KCNN2: variants seen among roughly 807,000 people sequenced by gnomAD.
The protein encoded by KCNN2 is small conductance calcium-activated potassium channel protein 2.
Under a neutral mutation model 55.5 loss-of-function variants are expected in KCNN2, and 24 were observed. That is an observed-to-expected ratio of 0.43 (90% CI 0.31 to 0.61). The LOEUF (loss-of-function observed/expected upper bound fraction) is 0.61. Ranked by LOEUF, KCNN2 falls within the 20% of genes least tolerant of loss-of-function variation. The pLI, the probability that KCNN2 is intolerant of heterozygous loss-of-function variation, is 0.08. For missense variants in KCNN2, 754 were observed against 853.6 expected (o/e 0.88, Z 1.45); for synonymous variants, 431 against 336.1 (o/e 1.28, Z -3.09).
chr5:114,336,123 G>C (rs1756919309), intron 2 of KCNN2, among the ~76,000 whole-genome samples: 1 of 152,198 alleles, frequency 6.6e-6, no homozygotes, highest in Non-Finnish European at 1.5e-5. Flanking sequence ...CACGAATAAG[G>C]AGGATTAGTT....
intron 1 of KCNN2, among the ~76,000 whole-genome samples, chr5:114,084,428 G>C (rs1416268310): frequency 6.6e-6 from 1 of 151,960 alleles, no homozygotes; most frequent in Non-Finnish European, 1.5e-5. Context: ...ATGCCATGTT[G>C]AGCTTTCTTT....
At chr5:114,135,324 T>C (rs1228218121) in intron 1 of KCNN2, among the ~76,000 whole-genome samples, 3 of 152,286 alleles carry the variant, frequency 2.0e-5, no homozygotes, top group Admixed American at 6.5e-5. Flanking sequence ...CGATAGTAAA[T>C]TGAAGATTTT....
intron 3 of KCNN2, among the ~76,000 whole-genome samples, chr5:114,412,373 A>T (rs1259313671): frequency 6.6e-6 from 1 of 152,210 alleles, no homozygotes; most frequent in Non-Finnish European, 1.5e-5. Context: ...ACATGTATTC[A>T]TTACTTCTCT....
intron 6 of KCNN2, among the ~76,000 whole-genome samples, chr5:114,488,152 C>T (rs960856849): frequency 1.3e-5 from 2 of 152,174 alleles, no homozygotes; most frequent in Non-Finnish European, 2.9e-5. Context: ...AAAACCTGTC[C>T]ATTGAACTGC....
intron 3 of KCNN2, among the ~76,000 whole-genome samples, chr5:114,419,604 T>C (rs1035133050): frequency 3.3e-5 from 5 of 152,228 alleles, no homozygotes; most frequent in African/African-American, 1.2e-4. Flanking sequence ...GTTCCAGTGA[T>C]GATAGGTGCA....
chr5:114,364,093 T>C (rs1007813383), intron 2 of KCNN2, 92 bp downstream of exon 2: 15 of 886,614 alleles, frequency 1.7e-5, no homozygotes, highest in Middle Eastern at 2.2e-4. Context: ...CAAGCCATCA[T>C]GTCCTTGCTT....
chr5:114,493,370 G>A (rs1453705912), intron 6 of KCNN2, 33 bp from the exon 7 acceptor site: 2 of 1,357,244 alleles, frequency 1.5e-6, no homozygotes, highest in Non-Finnish European at 2.1e-6. Context: ...TAGGAAGAAG[G>A]GAACCTTTCT....
intron 2 of KCNN2, among the ~76,000 whole-genome samples, chr5:114,336,959 C>G (rs1756933760): frequency 1.3e-5 from 2 of 152,088 alleles, no homozygotes; most frequent in African/African-American, 4.8e-5. Flanking sequence ...TGGATTTATT[C>G]TAAGTTTGAT....
chr5:114,443,797 A>G (rs942048353), intron 3 of KCNN2, among the ~76,000 whole-genome samples: 2 of 152,186 alleles, frequency 1.3e-5, no homozygotes, highest in East Asian at 3.8e-4. Context: ...ATTTACTAAG[A>G]AGCAGCCTGA....
intron 2 of KCNN2, among the ~76,000 whole-genome samples, chr5:114,270,071 T>G (rs918707440): frequency 2.0e-5 from 3 of 152,236 alleles, no homozygotes; most frequent in Admixed American, 2.0e-4. Context: ...TCTGCTGTTT[T>G]GACAAGCATC....
At chr5:114,324,616 C>A (rs189427797) in intron 2 of KCNN2, among the ~76,000 whole-genome samples, 21 of 152,326 alleles carry the variant, frequency 1.4e-4, no homozygotes, top group African/African-American at 4.6e-4. Flanking sequence ...TTCTAATCTA[C>A]AGACTTTTAC....
chr5:114,180,027 G>C (rs979715484), intron 1 of KCNN2, among the ~76,000 whole-genome samples: 6 of 152,114 alleles, frequency 3.9e-5, no homozygotes, highest in Admixed American at 2.0e-4. Context: ...GACTTCTATA[G>C]GTCAAGGGAT....
chr5:114,149,151 A>AAAAGACGTTTAAAT (rs1491426339), intron 1 of KCNN2, among the ~76,000 whole-genome samples: 2 of 152,156 alleles, frequency 1.3e-5, no homozygotes, highest in Non-Finnish European at 2.9e-5. Context: ...GACGTTTAAT[A>AAAAGACGTTTAAAT]AAAGACAGAT....
intron 1 of KCNN2, among the ~76,000 whole-genome samples, chr5:114,133,504 T>G (rs1004382679): frequency 6.6e-6 from 1 of 152,192 alleles, no homozygotes; most frequent in Non-Finnish European, 1.5e-5. Flanking sequence ...CCTGGGCCAT[T>G]AATCCACCCT....
At chr5:114,110,710 G>T (rs1273873907) in intron 1 of KCNN2, among the ~76,000 whole-genome samples, 1 of 151,904 alleles carries the variant, frequency 6.6e-6, no homozygotes, top group Non-Finnish European at 1.5e-5. Context: ...TCGTGCCTTA[G>T]TTTGGGATTT....
chr5:114,105,556 A>C (rs144543480), intron 1 of KCNN2, among the ~76,000 whole-genome samples: 1 of 152,212 alleles, frequency 6.6e-6, no homozygotes, highest in East Asian at 1.9e-4. Context: ...CTTTGCTTCC[A>C]TTTATAACAA....
chr5:114,139,602 A>G (rs1363113094), intron 1 of KCNN2, among the ~76,000 whole-genome samples: 1 of 150,022 alleles, frequency 6.7e-6, no homozygotes, highest in African/African-American at 2.4e-5. Context: ...TATACTCTAT[A>G]TAATATATAA....
chr5:114,378,920 G>A (rs1413159490), intron 2 of KCNN2, among the ~76,000 whole-genome samples: 2 of 152,188 alleles, frequency 1.3e-5, no homozygotes, highest in African/African-American at 4.8e-5. Flanking sequence ...GCAGTAAAGA[G>A]TGTTTGTTAT....
chr5:114,281,924 A>AT (rs1390782394), intron 2 of KCNN2, among the ~76,000 whole-genome samples: 10 of 151,772 alleles, frequency 6.6e-5, no homozygotes, highest in African/African-American at 9.7e-5. Flanking sequence ...AAATTTAAAT[A>AT]TTTTTCTGGA....
Sources: allele counts gnomAD v4.1 joint callset (sites outside exome capture counted in the v4.1 genomes callset), GRCh38; gene constraint gnomAD v4.1.1; transcripts MANE v1.5; gene names NCBI Gene and HGNC (gene_info 2026-07-23, HGNC 2026-07-21).